SEC14L2: variants seen among roughly 807,000 people sequenced by gnomAD.
The protein encoded by SEC14L2 is SEC14 like lipid binding 2, also known as SEC14-like protein 2.
A neutral mutation model predicts 56.9 loss-of-function variants in SEC14L2; 50 were observed. The observed-to-expected ratio is 0.88, with a 90% confidence interval of 0.70 to 1.11. SEC14L2 has a LOEUF of 1.11. Ranked by LOEUF, SEC14L2 falls within the 50% of genes most tolerant of loss-of-function variation. The pLI is 0.00. For missense variants in SEC14L2, 414 were observed against 500.7 expected (o/e 0.83, Z 1.65); for synonymous variants, 179 against 188.5 (o/e 0.95, Z 0.41).
rs1934131693 is a variant in SEC14L2 at position 30,407,562 on chromosome 22, T to G, written c.382T>G (p.Cys128Gly). 1 of 1,613,572 alleles carries G rather than the reference T, an allele frequency of 6.2e-7. No homozygotes were observed. The highest frequency in any genetic ancestry group is 1.1e-5 in the South Asian group (1 of 91,056). Residue 128 changes from cysteine (C) to glycine (G), a missense_variant, in exon 5 of 12, where the codon TGT (cysteine) becomes GGT (glycine). Physicochemically the swap from Cys to Gly is radical, Grantham distance 159. Coordinates refer to ENST00000615189, the MANE Select transcript of SEC14L2 (RefSeq NM_012429.5). ...QDLLRTKMRE[C>G]ELLLQECAHQ... The stretch of plus-strand genomic sequence containing the variant: ...CCTGCTGAGGACCAAGATGCGGGAG[T>G]GTGAGCTGCTTCTGCAAGAGTGTGC...
At chr22:30,411,090 C>G (rs1449259057) in intron 8 of SEC14L2, among the ~76,000 whole-genome samples, 1 of 151,902 alleles carries the variant, frequency 6.6e-6, no homozygotes, top group Non-Finnish European at 1.5e-5. Context: ...AAGCGAGACC[C>G]TGTCTTTACT....
chr22:30,415,504 T>C (rs554019963), intron 8 of SEC14L2, among the ~76,000 whole-genome samples: 1 of 152,318 alleles, frequency 6.6e-6, no homozygotes, highest in African/African-American at 2.4e-5. Context: ...AGAATGTCAC[T>C]TAGCTGTTCA....
chr22:30,398,884 G>C, intron 1 of SEC14L2: 2 of 449,512 alleles, frequency 4.4e-6, no homozygotes, highest in Non-Finnish European at 9.5e-6. Context: ...GCCTCTCTGA[G>C]CTTTAATTCC....
chr22:30,413,322 G>A (rs1934302805), intron 8 of SEC14L2, among the ~76,000 whole-genome samples: 2 of 152,162 alleles, frequency 1.3e-5, no homozygotes, highest in Non-Finnish European at 2.9e-5. Context: ...AAGGAAAAGT[G>A]TGACCCAAAA....
At chr22:30,397,284 G>C (rs936653594) in intron 1 of SEC14L2, 114 bp downstream of exon 1, 4 of 971,158 alleles carry the variant, frequency 4.1e-6, no homozygotes, top group Non-Finnish European at 5.8e-6. Flanking sequence ...GGGCGGCGGA[G>C]GGAACAGAGG....
intron 11 of SEC14L2, chr22:30,421,543 G>A (rs1173215743): frequency 6.6e-6 from 1 of 152,180 alleles, no homozygotes; most frequent in African/African-American, 2.4e-5. Context: ...ATTCTCCTTT[G>A]ATGAACATTT....
At chr22:30,420,195 C>T (rs1934481088) in intron 11 of SEC14L2, among the ~76,000 whole-genome samples, 1 of 152,168 alleles carries the variant, frequency 6.6e-6, no homozygotes, top group African/African-American at 2.4e-5. Context: ...TCAGGTGATC[C>T]ACCCGCCTCA....
intron 8 of SEC14L2, among the ~76,000 whole-genome samples, chr22:30,414,488 T>C (rs1215581161): frequency 6.6e-6 from 1 of 152,096 alleles, no homozygotes; most frequent in African/African-American, 2.4e-5. Context: ...CCACAGACAC[T>C]GTGTTCCCAG....
At chr22:30,398,606 C>T in intron 1 of SEC14L2, 1 of 440,158 alleles carries the variant, frequency 2.3e-6, no homozygotes, top group Admixed American at 2.4e-5. Context: ...TTCCTGGCTT[C>T]CCCTACTGGA....
chr22:30,397,393 A>G, intron 1 of SEC14L2: 1 of 511,366 alleles, frequency 2.0e-6, no homozygotes, highest in Non-Finnish European at 3.4e-6. Context: ...CCAAGCTCTG[A>G]GCAGCCGTGG....
chr22:30,397,235 A>G lies in SEC14L2; in HGVS notation c.54+65A>G, dbSNP rs909916140. On this transcript the variant is annotated intron_variant, in intron 1 of 11. Coordinates refer to ENST00000615189, the MANE Select transcript of SEC14L2 (RefSeq NM_012429.5). ...TGGCCCTCGCCCTCCTGCGGCAGCG[A>G]GAAGGGACGGGGCTGGGTGGGGGCC... 1.2e-5 allele frequency: 16 copies of G among 1,367,014 alleles called. No individual in the cohort carries two copies. The African/African-American group carries it at 2.4e-4, about 21-fold the overall frequency. The allele number at this position is 1,367,014 out of a possible 1,614,324, so 84.7% of individuals were successfully genotyped here.
chr22:30,401,561 T>C (rs1257360382), intron 2 of SEC14L2, among the ~76,000 whole-genome samples: 2 of 151,918 alleles, frequency 1.3e-5, no homozygotes, highest in African/African-American at 2.4e-5. Context: ...TCGCCCAGGC[T>C]GGACTGCAAT....
chr22:30,421,903 T>A (rs911957790), intron 11 of SEC14L2: 4 of 175,252 alleles, frequency 2.3e-5, no homozygotes, highest in African/African-American at 9.5e-5. Context: ...GCTATTATTG[T>A]TATTACAACT....
At chr22:30,412,015 C>T (rs970120136) in intron 8 of SEC14L2, among the ~76,000 whole-genome samples, 1 of 152,150 alleles carries the variant, frequency 6.6e-6, no homozygotes, top group African/African-American at 2.4e-5. Flanking sequence ...AAAGACCTTA[C>T]ATAGCATGGC....
intron 1 of SEC14L2, 34 bp downstream of exon 1, chr22:30,397,204 G>C (rs568611005): frequency 2.0e-6 from 3 of 1,488,942 alleles, no homozygotes; most frequent in Admixed American, 2.2e-5. Context: ...CTCCCGCCTC[G>C]GGCTGTGGCC....
At chr22:30,418,584 A>T (rs1419534162) in intron 11 of SEC14L2, among the ~76,000 whole-genome samples, 1 of 152,246 alleles carries the variant, frequency 6.6e-6, no homozygotes, top group Non-Finnish European at 1.5e-5. Flanking sequence ...TTCTGGATAC[A>T]TTCCCAACCA....
At chr22:30,401,229 A>T in intron 2 of SEC14L2, among the ~76,000 whole-genome samples, 1 of 135,180 alleles carries the variant, frequency 7.4e-6, no homozygotes, top group Non-Finnish European at 1.7e-5. Flanking sequence ...ATTTATTTAG[A>T]GATGGAGTCT....
rs575148529 is a variant in SEC14L2, at chr22:30,398,538, G to T, written c.55-1105G>T. On this transcript the variant is annotated intron_variant, in intron 1 of 11. Coordinates refer to ENST00000615189, the MANE Select transcript of SEC14L2 (RefSeq NM_012429.5). ...GAGTGAGAGGTTGGAGGTAGGTGTGGCTGTCCATTGAGGTCACTGTCCACC... is the reference window on the plus strand; with the variant it reads ...GAGTGAGAGGTTGGAGGTAGGTGTGTCTGTCCATTGAGGTCACTGTCCACC... 394 of 376,674 alleles carry T rather than the reference G, an allele frequency of 1.0e-3. 1 individual carries two copies. The highest frequency in any genetic ancestry group is 1.8e-3 in the South Asian group (92 of 51,062). The allele number at this position is 376,674 out of a possible 1,614,324, so 23.3% of individuals were successfully genotyped here. A position where few individuals can be genotyped will look rare whatever the true frequency, so the allele number is the denominator to read the frequency against.
chr22:30,422,617 G>A lies in SEC14L2; in HGVS notation c.*210G>A, dbSNP rs878998092. ...CCTAAGGAGTCCCCAGGAGCTGGCT[G>A]GCCATCGTGATAGGATCTGTCTGTC... On this transcript the variant is annotated 3_prime_UTR_variant, in exon 12 of 12. Coordinates refer to ENST00000615189, the MANE Select transcript of SEC14L2 (RefSeq NM_012429.5). The A allele has an allele frequency of 5.4e-6, 3 of 559,190 alleles. No individual in the cohort carries two copies. The highest frequency in any genetic ancestry group is 4.6e-5 in the South Asian group (2 of 43,864). The allele number at this position is 559,190 out of a possible 1,614,324, so 34.6% of individuals were successfully genotyped here.
Sources: gnomAD v4.1 joint callset for allele counts (sites outside exome capture counted in the v4.1 genomes callset) on GRCh38, gnomAD v4.1.1 for gene constraint, MANE v1.5 for transcripts, NCBI Gene and HGNC (gene_info 2026-07-23, HGNC 2026-07-21) for gene names.